The following ANAPC11 variants were observed in gnomAD, a reference collection of about 807,000 sequenced individuals.
ANAPC11 encodes anaphase promoting complex subunit 11.
Under a neutral mutation model 11.8 loss-of-function variants are expected in ANAPC11, and 5 were observed. The ratio of observed to expected loss-of-function variants is 0.42; its 90% CI spans 0.22 to 0.89. ANAPC11 has a LOEUF of 0.89. Ranked by LOEUF, ANAPC11 falls within the 40% of genes least tolerant of loss-of-function variation. ANAPC11 has a pLI of 0.28. For synonymous variants in ANAPC11, 45 were observed against 41.0 expected (o/e 1.10, Z -0.38); for missense variants, 68 against 112.9 (o/e 0.60, Z 1.80).
chr17:81,892,209 A>T (rs2039563118), intron 1 of ANAPC11: 1 of 152,734 alleles, frequency 6.5e-6, no homozygotes, highest in Non-Finnish European at 1.5e-5. Context: ...CGCGGGCCTC[A>T]CGCCTGTAAT....
At chr17:81,899,194 C>T in intron 3 of ANAPC11, 6 of 1,572,084 alleles carry the variant, frequency 3.8e-6, no homozygotes, top group Non-Finnish European at 5.2e-6. Flanking sequence ...ATCAGGGACA[C>T]TCATTTCTCT....
At chr17:81,899,384 T>G in intron 3 of ANAPC11, 1 of 1,613,926 alleles carries the variant, frequency 6.2e-7, no homozygotes, top group East Asian at 2.2e-5. Flanking sequence ...CCCTGATGTC[T>G]AGGGAAGAGT....
chr17:81,892,434 A>C (rs1246666760), intron 1 of ANAPC11, among the ~76,000 whole-genome samples: 1 of 151,108 alleles, frequency 6.6e-6, no homozygotes, highest in Non-Finnish European at 1.5e-5. Context: ...GCACCACTGC[A>C]CTCCAGCCTG....
At chr17:81,896,337 G>A (rs369981731) in intron 3 of ANAPC11, among the ~76,000 whole-genome samples, 6 of 152,118 alleles carry the variant, frequency 3.9e-5, no homozygotes, top group African/African-American at 9.7e-5. Flanking sequence ...CAAAAGAATC[G>A]CTTGAACCTG....
upstream of ANAPC11, chr17:81,891,274 C>G (rs2039523257): frequency 2.7e-6 from 3 of 1,105,440 alleles, no homozygotes. Flanking sequence ...CGGCCCCAGC[C>G]CCGGCTGGCC....
At chr17:81,897,383 C>T (rs1350197921) in intron 3 of ANAPC11, among the ~76,000 whole-genome samples, 1 of 152,218 alleles carries the variant, frequency 6.6e-6, no homozygotes, top group Non-Finnish European at 1.5e-5. Flanking sequence ...ATCCGTCCAC[C>T]TCGGCCTCCC....
At chr17:81,891,630 G>A (rs1310405812), upstream of ANAPC11, 5 of 1,327,914 alleles carry the variant, frequency 3.8e-6, no homozygotes, top group Admixed American at 3.3e-5. Context: ...CCGGCGCCGC[G>A]TGAGGCCTTC....
chr17:81,896,849 G>C (rs956425248), intron 3 of ANAPC11, among the ~76,000 whole-genome samples: 1 of 109,882 alleles, frequency 9.1e-6, no homozygotes, highest in African/African-American at 3.6e-5. Flanking sequence ...GTCTTGCCCT[G>C]TTGCTCAGAC....
At chr17:81,891,257 GCGGCCC>G, upstream of ANAPC11, 2 of 1,069,724 alleles carry the variant, frequency 1.9e-6, no homozygotes, top group South Asian at 3.7e-5. Context: ...TCCGCCGCGA[GCGGCCC>G]CGGCCCCAGC....
intron 3 of ANAPC11, chr17:81,898,727 A>G (rs895032997): frequency 6.5e-6 from 1 of 154,894 alleles, no homozygotes; most frequent in East Asian, 1.9e-4. Context: ...GTGGCAGTGC[A>G]GTTTTGCCGA....
At chr17:81,893,965 T>G (rs547618517) in intron 2 of ANAPC11, among the ~76,000 whole-genome samples, 6 of 151,920 alleles carry the variant, frequency 3.9e-5, no homozygotes, top group African/African-American at 1.2e-4. Context: ...AGCCCTTTAC[T>G]TGTTATTTGT....
chr17:81,892,665 G>A (rs2039586260), intron 1 of ANAPC11, among the ~76,000 whole-genome samples: 2 of 150,660 alleles, frequency 1.3e-5, no homozygotes, highest in East Asian at 2.0e-4. Context: ...TGGGACTACA[G>A]GCACGTGCCA....
chr17:81,894,902 G>A (rs1016301833), intron 3 of ANAPC11: 1 of 278,906 alleles, frequency 3.6e-6, no homozygotes, highest in African/African-American at 2.2e-5. Flanking sequence ...ATTTTTAGTA[G>A]AGACGGGGTT....
chr17:81,896,913 A>T (rs2143559774), intron 3 of ANAPC11, among the ~76,000 whole-genome samples: 1 of 145,982 alleles, frequency 6.9e-6, no homozygotes, highest in South Asian at 2.1e-4. Flanking sequence ...TTCTGAGTTC[A>T]AAGGATTCTC....
At chr17:81,891,113 A>G, upstream of ANAPC11, 1 of 643,754 alleles carries the variant, frequency 1.6e-6, no homozygotes, top group Non-Finnish European at 2.5e-6. Flanking sequence ...AGAGCTGGGA[A>G]GGGTCTCAGC....
intron 3 of ANAPC11, among the ~76,000 whole-genome samples, chr17:81,895,529 A>T (rs1233358888): frequency 6.6e-6 from 1 of 152,210 alleles, no homozygotes; most frequent in Non-Finnish European, 1.5e-5. Context: ...CAAGAGATGG[A>T]GGCCGGCATG....
rs2039863792 is a variant in ANAPC11, at chr17:81,899,490, G to A, written c.110-430G>A. ...TCCTTGGTGCCTTGACCATTCATGTGACCTTTTTGGCATCACAGATCAAGT... is the reference window on the plus strand; with the variant it reads ...TCCTTGGTGCCTTGACCATTCATGTAACCTTTTTGGCATCACAGATCAAGT... On this transcript the variant is annotated intron_variant, in intron 3 of 3. Transcript: ENST00000344877. The A allele has an allele frequency of 6.2e-7, 1 of 1,613,954 alleles. No individual in the cohort carries two copies. Among genetic ancestry groups the A allele is most frequent in the Non-Finnish European group, 8.5e-7 (1 of 1,180,024 alleles).
chr17:81,891,312 T>C (rs1374836235), upstream of ANAPC11: 1 of 1,145,914 alleles, frequency 8.7e-7, no homozygotes, highest in Non-Finnish European at 1.1e-6. Context: ...GCGGCCGGCC[T>C]CCGCACTCAC....
At chr17:81,897,189 T>C (rs542830242) in intron 3 of ANAPC11, among the ~76,000 whole-genome samples, 1 of 152,130 alleles carries the variant, frequency 6.6e-6, no homozygotes, top group East Asian at 1.9e-4. Flanking sequence ...TTAACAGAAA[T>C]GGGGTTTCAC....
Sources: gnomAD v4.1 joint callset for allele counts (sites outside exome capture counted in the v4.1 genomes callset) on GRCh38, gnomAD v4.1.1 for gene constraint, MANE v1.5 for transcripts, NCBI Gene and HGNC (gene_info 2026-07-23, HGNC 2026-07-21) for gene names.